The following TINAG variants were observed in gnomAD, a reference collection of about 807,000 sequenced individuals.
TINAG encodes tubulointerstitial nephritis antigen.
Under a neutral mutation model 72.7 loss-of-function variants are expected in TINAG, and 83 were observed. The ratio of observed to expected loss-of-function variants is 1.14; its 90% confidence interval spans 0.96 to 1.37. The LOEUF is 1.37. TINAG is among the 40% of genes most tolerant of loss of function. The pLI is 0.00. For missense variants in TINAG, 685 were observed against 576.6 expected, an observed-to-expected ratio of 1.19 and a Z score of -1.93; for synonymous variants, 234 against 189.9, an observed-to-expected ratio of 1.23 and a Z score of -1.91.
intron 9 of TINAG, among the ~76,000 whole-genome samples, chr6:54,356,530 A>G (rs921916785): frequency 6.6e-6 from 1 of 151,942 alleles, no homozygotes; most frequent in Non-Finnish European, 1.5e-5. Flanking sequence ...GTCTCAAAAA[A>G]CAAAAATTCC....
chr6:54,349,818 C>T lies in TINAG; in HGVS notation c.1002C>T (p.Ala334=). The T allele has an allele frequency of 1.2e-6, 2 of 1,610,792 alleles. No individual in the cohort carries two copies. The highest frequency in any genetic ancestry group is 1.7e-6 in the Non-Finnish European group (2 of 1,178,014). ...CTGATGGGCGAGGAAAACGGCATGC[C>T]ACGAAGCCATGTCCCAACAACGTAG... ...SRSDGRGKRH[A]TKPCPNNVEK... Residue 334 remains alanine, a synonymous_variant, in exon 7 of 11, where the codon GCC becomes GCT. Coordinates refer to ENST00000259782, the MANE Select transcript of TINAG (RefSeq NM_014464.4).
chr6:54,379,949 G>A (rs1231413280), intron 9 of TINAG, among the ~76,000 whole-genome samples: 1 of 151,826 alleles, frequency 6.6e-6, no homozygotes, highest in African/African-American at 2.4e-5. Context: ...CCCCAAACAG[G>A]CCCCAGTGTG....
chr6:54,389,898 C>A lies in TINAG; in HGVS notation c.1404C>A (p.Gly468=), dbSNP rs2150988040. Residue 468 remains glycine (G), a synonymous_variant, in exon 11 of 11, where the codon GGC becomes GGA. Transcript: ENST00000259782. Reference sequence around the variant, plus strand: ...AAAAGTTGATTATCGCAGCTTGGGGCCAACTGACGAGTTCTGATGAACCAT... The same window carrying A: ...AAAAGTTGATTATCGCAGCTTGGGGACAACTGACGAGTTCTGATGAACCAT... ...DIEKLIIAAW[G]QLTSSDEP 6.2e-7 allele frequency: 1 copy of A among 1,610,972 alleles called. No individual in the cohort carries two copies. The highest frequency in any genetic ancestry group is 1.1e-5 in the South Asian group (1 of 90,406).
intron 4 of TINAG, among the ~76,000 whole-genome samples, chr6:54,334,384 T>A (rs1784812684): frequency 6.6e-6 from 1 of 152,220 alleles, no homozygotes; most frequent in African/African-American, 2.4e-5. Context: ...TGTACTTTGC[T>A]TTTGAGTGAT....
At position 54,349,746 on chromosome 6, in the gene TINAG, C is replaced by G. The variant is rs749207390; in HGVS notation, c.930C>G (p.Phe310Leu). Residue 310 changes from phenylalanine (F) to leucine (L), a missense_variant, in exon 7 of 11, where the codon TTC (phenylalanine) becomes TTG (leucine). Transcript: ENST00000259782. Reference protein sequence around the residue: ...GLVSHACYPLFKDQNATNNGC... With the variant: ...GLVSHACYPLLKDQNATNNGC... Reference sequence around the variant, plus strand: ...TATCCCACGCATGCTACCCACTTTTCAAAGACCAAAATGCTACCAACAATG... The same window carrying G: ...TATCCCACGCATGCTACCCACTTTTGAAAGACCAAAATGCTACCAACAATG... 5 of 1,599,988 alleles carry G rather than the reference C, an allele frequency of 3.1e-6. No individual in the cohort carries two copies. Among genetic ancestry groups the G allele is most frequent in the Non-Finnish European group, 3.4e-6 (4 of 1,171,378 alleles).
intron 3 of TINAG, among the ~76,000 whole-genome samples, chr6:54,324,773 A>G (rs1011594863): frequency 6.6e-6 from 1 of 152,144 alleles, no homozygotes. Flanking sequence ...TTTCTCTTAG[A>G]TATTTACTTC....
At chr6:54,364,548 G>A (rs1763347321) in intron 9 of TINAG, among the ~76,000 whole-genome samples, 1 of 151,318 alleles carries the variant, frequency 6.6e-6, no homozygotes, top group African/African-American at 2.4e-5. Context: ...AGTTTGTCAT[G>A]ATAATTCTGA....
chr6:54,363,482 G>A (rs140489656), intron 9 of TINAG, among the ~76,000 whole-genome samples: 1 of 151,460 alleles, frequency 6.6e-6, no homozygotes, highest in East Asian at 2.0e-4. Flanking sequence ...ATGGGGCATG[G>A]TGAAGGAGAA....
Position 54,352,376 on chromosome 6 carries a change from T to C in TINAG, c.1126+979T>C, listed in dbSNP as rs577770030. 7.2e-5 allele frequency among the ~76,000 whole-genome samples: 11 copies of C among 151,978 alleles called. No homozygotes were observed. In the South Asian group the frequency reaches 1.0e-3, roughly 14 times the overall value. On this transcript the variant is annotated intron_variant, in intron 8 of 10. Transcript: ENST00000259782. ...GATCATTATCACCACTTAGCATTTA[T>C]TGAGAAACCACAGCCTACATAAACA...
chr6:54,386,448 T>C (rs1204417876), intron 10 of TINAG, among the ~76,000 whole-genome samples: 4 of 152,124 alleles, frequency 2.6e-5, no homozygotes, highest in African/African-American at 4.8e-5. Context: ...TGGTTGTTGG[T>C]AGACGTGTTT....
intron 9 of TINAG, among the ~76,000 whole-genome samples, chr6:54,363,537 A>G (rs993029054): frequency 1.3e-5 from 2 of 151,090 alleles, no homozygotes; most frequent in African/African-American, 4.9e-5. Context: ...GAACGGTGTC[A>G]TACAATGAGA....
chr6:54,327,128 T>C (rs1479535047), intron 4 of TINAG: 3 of 1,548,454 alleles, frequency 1.9e-6, no homozygotes, highest in South Asian at 2.4e-5. Context: ...CAATTAGACA[T>C]AGTCTCCTTT....
At chr6:54,377,936 T>C (rs1279835329) in intron 9 of TINAG, among the ~76,000 whole-genome samples, 2 of 152,146 alleles carry the variant, frequency 1.3e-5, no homozygotes, top group Non-Finnish European at 2.9e-5. Flanking sequence ...GAATTTGCTA[T>C]AATATCATCG....
intron 4 of TINAG, among the ~76,000 whole-genome samples, chr6:54,331,055 T>C (rs764316479): frequency 6.6e-6 from 1 of 152,176 alleles, no homozygotes; most frequent in Non-Finnish European, 1.5e-5. Context: ...CCATTTCTTC[T>C]GCAACTATTC....
chr6:54,323,696 G>A (rs1784542607), intron 3 of TINAG, among the ~76,000 whole-genome samples: 2 of 152,210 alleles, frequency 1.3e-5, no homozygotes, highest in African/African-American at 2.4e-5. Context: ...GCTTATGCCT[G>A]TAATCCCAGC....
At chr6:54,313,119 A>G (rs1784295217) in intron 1 of TINAG, among the ~76,000 whole-genome samples, 1 of 152,200 alleles carries the variant, frequency 6.6e-6, no homozygotes, top group Non-Finnish European at 1.5e-5. Flanking sequence ...AAAATAGAAA[A>G]TACATGTTTA....
In TINAG at chr6:54,320,657, T is replaced by C. The variant is rs999913872; in HGVS notation, c.419+15T>C. ...TGCAACTCCTGGTAATAAATTTAAG[T>C]GGCACAGAACTGAGTTCTACTGTGT... On this transcript the variant is annotated intron_variant, in intron 2 of 10. Transcript: ENST00000259782. 1 of 1,602,536 alleles carries C rather than the reference T, an allele frequency of 6.2e-7. No individual in the cohort carries two copies. Among genetic ancestry groups the C allele is most frequent in the East Asian group, 2.2e-5 (1 of 44,676 alleles).
chr6:54,346,024 C>A (rs1405443369), intron 5 of TINAG, among the ~76,000 whole-genome samples: 1 of 151,822 alleles, frequency 6.6e-6, no homozygotes, highest in Non-Finnish European at 1.5e-5. Context: ...GAGTAAGAAA[C>A]CAACTTAGAA....
At chr6:54,376,260 T>G (rs79169686) in intron 9 of TINAG, among the ~76,000 whole-genome samples, 1 of 152,294 alleles carries the variant, frequency 6.6e-6, no homozygotes, top group African/African-American at 2.4e-5. Context: ...TTTATATTCT[T>G]GTTTTTCATT....
Sources: allele counts gnomAD v4.1 joint callset (sites outside exome capture counted in the v4.1 genomes callset), GRCh38; gene constraint gnomAD v4.1.1; transcripts MANE v1.5; gene names NCBI Gene and HGNC (gene_info 2026-07-23, HGNC 2026-07-21).